The following CRPPA variants were observed in gnomAD, a reference collection of about 807,000 sequenced individuals.
CRPPA encodes D-ribitol-5-phosphate cytidylyltransferase.
CRPPA carries 43 observed loss-of-function variants against 52.0 expected under a neutral mutation model. The observed-to-expected ratio is 0.83, with a 90% confidence interval of 0.65 to 1.07. The LOEUF (loss-of-function observed/expected upper bound fraction) is 1.07, where lower values mean the gene tolerates loss of function less well. Ranked by LOEUF, CRPPA falls within the 50% of genes least tolerant of loss-of-function variation. The pLI is 0.00. For missense variants in CRPPA, 629 were observed against 551.7 expected (o/e 1.14, Z -1.40); for synonymous variants, 250 against 203.5 (o/e 1.23, Z -1.94).
intron 5 of CRPPA, among the ~76,000 whole-genome samples, chr7:16,289,194 G>A (rs746734822): frequency 2.6e-5 from 4 of 152,016 alleles, no homozygotes; most frequent in South Asian, 2.1e-4. Flanking sequence ...AATTATTAAC[G>A]AGATTGAATC....
chr7:16,106,774 A>T (rs564776708), intron 9 of CRPPA, among the ~76,000 whole-genome samples: 30 of 152,328 alleles, frequency 2.0e-4, no homozygotes, highest in African/African-American at 7.2e-4. Flanking sequence ...AAAGTAATAA[A>T]GCCCCAATAG....
chr7:16,133,875 T>C (rs1385946284), intron 9 of CRPPA, among the ~76,000 whole-genome samples: 2 of 125,154 alleles, frequency 1.6e-5, no homozygotes, highest in African/African-American at 5.2e-5. Flanking sequence ...TATCAACAAA[T>C]ACAGTATTGT....
chr7:16,145,607 G>A (rs1782959506), intron 9 of CRPPA, among the ~76,000 whole-genome samples: 1 of 147,472 alleles, frequency 6.8e-6, no homozygotes, highest in African/African-American at 2.5e-5. Flanking sequence ...GATATGAGGA[G>A]AATTAGAAGT....
At chr7:16,291,822 C>T (rs865970984) in intron 5 of CRPPA, among the ~76,000 whole-genome samples, 1 of 151,746 alleles carries the variant, frequency 6.6e-6, no homozygotes, top group Non-Finnish European at 1.5e-5. Flanking sequence ...ATCAAAGTAC[C>T]CATAAATATG....
intron 2 of CRPPA, among the ~76,000 whole-genome samples, chr7:16,382,352 G>GA (rs1247497333): frequency 6.6e-6 from 1 of 152,210 alleles, no homozygotes; most frequent in African/African-American, 2.4e-5. Context: ...AGTTTCTGCT[G>GA]AGAGATCCAC....
At chr7:16,340,980 G>C (rs566059072) in intron 3 of CRPPA, among the ~76,000 whole-genome samples, 1 of 152,230 alleles carries the variant, frequency 6.6e-6, no homozygotes, top group South Asian at 2.1e-4. Context: ...GCATATTACT[G>C]AGTGAAAGCA....
At chr7:16,181,251 G>T (rs1419941500) in intron 9 of CRPPA, among the ~76,000 whole-genome samples, 3 of 151,712 alleles carry the variant, frequency 2.0e-5, no homozygotes, top group African/African-American at 7.3e-5. Context: ...ATGTATTTAG[G>T]ACTTTTAGGA....
chr7:16,179,780 T>C (rs1378283168), intron 9 of CRPPA, among the ~76,000 whole-genome samples: 1 of 152,112 alleles, frequency 6.6e-6, no homozygotes, highest in Non-Finnish European at 1.5e-5. Flanking sequence ...GCATACGTTA[T>C]TTGTGCAGTA....
chr7:16,104,342 G>C (rs566171232), intron 9 of CRPPA, among the ~76,000 whole-genome samples: 27 of 152,284 alleles, frequency 1.8e-4, no homozygotes, highest in Non-Finnish European at 2.5e-4. Context: ...TGCCTATAGA[G>C]ATTCTTCCCA....
chr7:16,332,948 G>A (rs1005762722), intron 3 of CRPPA, among the ~76,000 whole-genome samples: 6 of 151,806 alleles, frequency 4.0e-5, no homozygotes, highest in Admixed American at 1.3e-4. Context: ...AAAAAACCAC[G>A]CTAACATTAT....
chr7:16,332,178 C>G (rs1031653604), intron 3 of CRPPA, among the ~76,000 whole-genome samples: 3 of 151,956 alleles, frequency 2.0e-5, no homozygotes, highest in African/African-American at 7.3e-5. Context: ...TGGGAAGGGA[C>G]GAATACCTAC....
At chr7:16,124,107 C>CTTTTTTTTT in intron 9 of CRPPA, among the ~76,000 whole-genome samples, 1 of 133,610 alleles carries the variant, frequency 7.5e-6, no homozygotes, top group Non-Finnish European at 1.6e-5. Context: ...CAATTTCTTT[C>CTTTTTTTTT]TTTTTTTATT....
chr7:16,237,603 T>C (rs931585221), intron 8 of CRPPA, among the ~76,000 whole-genome samples: 2 of 152,170 alleles, frequency 1.3e-5, no homozygotes, highest in African/African-American at 4.8e-5. Flanking sequence ...ACCACTATTA[T>C]TTCTTGTACT....
At chr7:16,362,914 A>T (rs1312065792) in intron 3 of CRPPA, among the ~76,000 whole-genome samples, 1 of 152,162 alleles carries the variant, frequency 6.6e-6, no homozygotes, top group South Asian at 2.1e-4. Context: ...TCCAACACCA[A>T]CTTCATCTCC....
intron 9 of CRPPA, among the ~76,000 whole-genome samples, chr7:16,159,518 TC>T (rs2128381456): frequency 6.6e-6 from 1 of 152,284 alleles, no homozygotes; most frequent in South Asian, 2.1e-4. Flanking sequence ...TTCATCTATG[TC>T]CCTGCAAAGG....
At chr7:16,318,842 G>A (rs933095549) in intron 3 of CRPPA, among the ~76,000 whole-genome samples, 1 of 152,136 alleles carries the variant, frequency 6.6e-6, no homozygotes, top group Non-Finnish European at 1.5e-5. Context: ...TTCACCAGGA[G>A]GCCACTGCAA....
intron 3 of CRPPA, among the ~76,000 whole-genome samples, chr7:16,342,746 G>A (rs1785881847): frequency 1.4e-5 from 1 of 71,470 alleles, no homozygotes; most frequent in African/African-American, 6.0e-5. Flanking sequence ...TGGGCAACAG[G>A]ATGAACCCTG....
At chr7:16,338,585 A>G (rs955314038) in intron 3 of CRPPA, among the ~76,000 whole-genome samples, 1 of 152,154 alleles carries the variant, frequency 6.6e-6, no homozygotes, top group Admixed American at 6.5e-5. Context: ...AAAGGGCATA[A>G]CTGCAGACTT....
intron 3 of CRPPA, among the ~76,000 whole-genome samples, chr7:16,360,851 T>C (rs1008551590): frequency 3.3e-5 from 5 of 152,038 alleles, no homozygotes; most frequent in African/African-American, 7.3e-5. Flanking sequence ...ACCAAAAGCA[T>C]AGGCAACAAA....
Sources: allele counts gnomAD v4.1 joint callset (sites outside exome capture counted in the v4.1 genomes callset), GRCh38; gene constraint gnomAD v4.1.1; transcripts MANE v1.5; gene names NCBI Gene and HGNC (gene_info 2026-07-23, HGNC 2026-07-21).